Variants in ADK observed in about 807,000 individuals in gnomAD.
ADK encodes the protein N6,N6-dimethyladenosine kinase.
In ADK, 24 loss-of-function variants were observed where a neutral mutation model predicts 44.7. The observed-to-expected ratio is 0.54, with a 90% CI of 0.39 to 0.76. The LOEUF (loss-of-function observed/expected upper bound fraction) is 0.76, where lower values mean the gene tolerates loss of function less well. ADK is among the 30% of genes least tolerant of loss of function. The pLI, the probability that ADK is intolerant of heterozygous loss-of-function variation, is 0.00. For synonymous variants in ADK, 128 were observed against 142.6 expected (o/e 0.90, Z 0.73); for missense variants, 321 against 425.1 (o/e 0.76, Z 2.15).
At chr10:74,381,028 CA>C (rs1842963372) in intron 4 of ADK, among the ~76,000 whole-genome samples, 1 of 152,068 alleles carries the variant, frequency 6.6e-6, no homozygotes, top group Non-Finnish European at 1.5e-5. Flanking sequence ...ACCATGACAA[CA>C]AATGCATGAA....
At chr10:74,434,860 G>A (rs915074190) in intron 6 of ADK, among the ~76,000 whole-genome samples, 8 of 152,172 alleles carry the variant, frequency 5.3e-5, no homozygotes, top group African/African-American at 1.9e-4. Context: ...ACATCCTGGT[G>A]CACGATCATC....
At chr10:74,292,668 TG>T (rs1368081330) in intron 3 of ADK, among the ~76,000 whole-genome samples, 2 of 152,200 alleles carry the variant, frequency 1.3e-5, no homozygotes, top group Admixed American at 1.3e-4. Flanking sequence ...GACTCATTCT[TG>T]TTTTTCCTCT....
intron 10 of ADK, among the ~76,000 whole-genome samples, chr10:74,694,604 C>T (rs1489155917): frequency 6.6e-6 from 1 of 151,778 alleles, no homozygotes; most frequent in Admixed American, 6.6e-5. Flanking sequence ...ACCTTAGCCT[C>T]CCGAGTAGCT....
intron 1 of ADK, among the ~76,000 whole-genome samples, chr10:74,166,689 AAAAAAAAAAAAAG>A (rs977930619): frequency 9.4e-6 from 1 of 106,502 alleles, no homozygotes; most frequent in Admixed American, 9.5e-5. Flanking sequence ...TCCGTCTCAA[AAAAAAAAAAAAAG>A]AAAAAAAAAA....
At chr10:74,395,175 C>G (rs1843464713) in intron 5 of ADK, among the ~76,000 whole-genome samples, 1 of 152,160 alleles carries the variant, frequency 6.6e-6, no homozygotes, top group Non-Finnish European at 1.5e-5. Flanking sequence ...AATATGTAGT[C>G]TGTCCTCCTC....
chr10:74,431,743 A>ATCAG (rs1007176726), intron 6 of ADK, among the ~76,000 whole-genome samples: 3 of 151,046 alleles, frequency 2.0e-5, no homozygotes, highest in Admixed American at 6.6e-5. Context: ...TCTGTCTCCA[A>ATCAG]TCAATCAATC....
Position 74,165,855 on chromosome 10 carries a change from C to G in ADK, c.65+14512C>G, listed in dbSNP as rs184204723. 7.2e-5 allele frequency among the ~76,000 whole-genome samples: 11 copies of G among 152,284 alleles called. No homozygotes were observed. The East Asian group carries it at 1.2e-3, about 16-fold the overall frequency. On this transcript the variant is annotated intron_variant, in intron 1 of 10. Transcript: ENST00000539909. ...TCACACATATGTAGTTTTATCCCCC[C>G]CAAAATAATTATTCTCTTGTGGGAT... is the stretch of plus-strand genomic sequence containing the variant.
chr10:74,472,280 G>A (rs1846621613), intron 6 of ADK, among the ~76,000 whole-genome samples: 2 of 152,124 alleles, frequency 1.3e-5, no homozygotes, highest in Admixed American at 1.3e-4. Context: ...TTACCATCGA[G>A]TATTATATTA....
At chr10:74,348,622 A>G (rs1194911891) in intron 4 of ADK, among the ~76,000 whole-genome samples, 1 of 151,564 alleles carries the variant, frequency 6.6e-6, no homozygotes, top group Non-Finnish European at 1.5e-5. Flanking sequence ...TCTGAGCTGA[A>G]GGACCATGTT....
intron 6 of ADK, among the ~76,000 whole-genome samples, chr10:74,406,654 C>T (rs141397479): frequency 0.01 from 1,568 of 150,558 alleles, 13 homozygotes; most frequent in Non-Finnish European, 0.015. Flanking sequence ...TAATTACTCT[C>T]TCCCCTATTT....
At chr10:74,486,470 G>T (rs1847270745) in intron 6 of ADK, among the ~76,000 whole-genome samples, 1 of 152,038 alleles carries the variant, frequency 6.6e-6, no homozygotes, top group East Asian at 1.9e-4. Context: ...GATAAATAAT[G>T]GAACAGAATA....
At chr10:74,361,456 A>G (rs182909240) in intron 4 of ADK, among the ~76,000 whole-genome samples, 162 of 152,348 alleles carry the variant, frequency 1.1e-3, no homozygotes, top group Middle Eastern at 3.4e-3. Context: ...TATAGCAAGT[A>G]TTTAAAACTG....
chr10:74,493,342 C>T (rs934928231), intron 6 of ADK, among the ~76,000 whole-genome samples: 3 of 148,848 alleles, frequency 2.0e-5, no homozygotes, highest in Non-Finnish European at 4.5e-5. Context: ...ACCAACACAC[C>T]CAGCATGTAT....
chr10:74,444,322 C>T (rs1845522842), intron 6 of ADK, among the ~76,000 whole-genome samples: 1 of 152,148 alleles, frequency 6.6e-6, no homozygotes. Flanking sequence ...TAGATCCTGA[C>T]CCAAGGTTTT....
chr10:74,535,180 G>A (rs910024532), intron 7 of ADK, among the ~76,000 whole-genome samples: 2 of 152,142 alleles, frequency 1.3e-5, no homozygotes, highest in Non-Finnish European at 2.9e-5. Context: ...TTGAAACTAG[G>A]CCAGGAACCA....
intron 10 of ADK, among the ~76,000 whole-genome samples, chr10:74,683,967 G>A (rs1389308538): frequency 6.6e-6 from 1 of 152,226 alleles, no homozygotes; most frequent in African/African-American, 2.4e-5. Flanking sequence ...TACAGAACAA[G>A]CAAGACATCC....
chr10:74,197,696 TAAA>T (rs1468748427), intron 1 of ADK, among the ~76,000 whole-genome samples: 1 of 79,260 alleles, frequency 1.3e-5, no homozygotes. Flanking sequence ...AGACTCCGTC[TAAA>T]AAAAAAAAAA....
chr10:74,236,051 C>T (rs1844948397), intron 3 of ADK, among the ~76,000 whole-genome samples: 1 of 152,168 alleles, frequency 6.6e-6, no homozygotes, highest in South Asian at 2.1e-4. Flanking sequence ...TTATAAATTA[C>T]CCAATCTCAG....
intron 6 of ADK, among the ~76,000 whole-genome samples, chr10:74,484,458 A>G (rs908962068): frequency 6.6e-6 from 1 of 152,120 alleles, no homozygotes. Flanking sequence ...TATTATTTTT[A>G]TTACAAAGCT....
Sources: allele counts gnomAD v4.1 joint callset (sites outside exome capture counted in the v4.1 genomes callset), GRCh38; gene constraint gnomAD v4.1.1; transcripts MANE v1.5; gene names NCBI Gene and HGNC (gene_info 2026-07-23, HGNC 2026-07-21).